Variants in GSE1 observed in about 807,000 individuals in gnomAD.
The protein encoded by GSE1 is Gse1 coiled-coil protein.
A neutral mutation model predicts 112.6 loss-of-function variants in GSE1; 32 were observed. The ratio of observed to expected loss-of-function variants is 0.28; its 90% CI spans 0.21 to 0.38. GSE1 has a LOEUF of 0.38. Ranked by LOEUF, GSE1 falls within the 10% of genes least tolerant of loss-of-function variation. The pLI is 1.00. For missense variants in GSE1, 2,348 were observed against 1,699.2 expected (o/e 1.38, Z -6.71); for synonymous variants, 1,115 against 735.6 (o/e 1.52, Z -8.35).
chr16:85,381,551 A>G (rs1261271639), intron 2 of GSE1, among the ~76,000 whole-genome samples: 2 of 152,172 alleles, frequency 1.3e-5, no homozygotes, highest in African/African-American at 4.8e-5. Context: ...TTGGGTGCCA[A>G]TTTAATATTC....
chr16:85,191,624 T>C (rs1597760389), intron 1 of GSE1, among the ~76,000 whole-genome samples: 1 of 152,198 alleles, frequency 6.6e-6, no homozygotes, highest in Admixed American at 6.5e-5. Context: ...GAACTCTACG[T>C]GCCGCTGTGC....
chr16:85,468,056 G>T (rs1242793503), intron 2 of GSE1, among the ~76,000 whole-genome samples: 1 of 152,156 alleles, frequency 6.6e-6, no homozygotes, highest in Non-Finnish European at 1.5e-5. Context: ...TGTCCCTGGA[G>T]TGACCCCCTG....
intron 2 of GSE1, among the ~76,000 whole-genome samples, chr16:85,640,553 G>C (rs1259015851): frequency 6.6e-6 from 1 of 152,160 alleles, no homozygotes; most frequent in African/African-American, 2.4e-5. Flanking sequence ...CCTGTCCCTG[G>C]TGCCACCTGA....
At chr16:85,536,543 C>T (rs1205900124) in intron 2 of GSE1, among the ~76,000 whole-genome samples, 8 of 152,192 alleles carry the variant, frequency 5.3e-5, no homozygotes, top group East Asian at 3.9e-4. Flanking sequence ...TCACGGATAA[C>T]GGAGGGCTGG....
upstream of GSE1, among the ~76,000 whole-genome samples, chr16:85,552,734 C>T (rs2044988463): frequency 6.6e-6 from 1 of 152,182 alleles, no homozygotes; most frequent in African/African-American, 2.4e-5. Flanking sequence ...CAGGTGGCTC[C>T]CAGGAGGCAA....
chr16:85,655,143 T>C, intron 5 of GSE1, 152 bp downstream of exon 5: 1 of 647,476 alleles, frequency 1.5e-6, no homozygotes, highest in Non-Finnish European at 2.8e-6. Flanking sequence ...GCTTTGAGCC[T>C]AAATTCAGCC....
intron 1 of GSE1, among the ~76,000 whole-genome samples, chr16:85,300,961 A>T (rs984943123): frequency 4.6e-5 from 7 of 152,140 alleles, no homozygotes; most frequent in African/African-American, 1.7e-4. Flanking sequence ...ATAGGCAGAG[A>T]TGCAGTGGGG....
chr16:85,299,849 T>C (rs1030024758), intron 1 of GSE1, among the ~76,000 whole-genome samples: 10 of 150,504 alleles, frequency 6.6e-5, no homozygotes, highest in African/African-American at 2.5e-4. Context: ...GGCAGGAGGA[T>C]CGCTTGAGCC....
rs751661077 is a variant in GSE1, at chr16:85,209,215, C to T, written c.2283+37408C>T. On this transcript the variant is annotated intron_variant, in intron 1 of 2. Transcript: ENST00000637419. Reference sequence around the variant, plus strand: ...GCTGCGCAGGAATTGGCTCCTTTAACTCTCACAACAACCCCACGAGGTAGG... The same window carrying T: ...GCTGCGCAGGAATTGGCTCCTTTAATTCTCACAACAACCCCACGAGGTAGG... 5.8e-4 allele frequency among the ~76,000 whole-genome samples: 89 copies of T among 152,150 alleles called. 1 individual carries two copies. Among genetic ancestry groups the T allele is most frequent in the Non-Finnish European group, 6.5e-4 (44 of 68,018 alleles).
At chr16:85,386,822 G>A (rs774133163) in intron 2 of GSE1, among the ~76,000 whole-genome samples, 1 of 152,202 alleles carries the variant, frequency 6.6e-6, no homozygotes, top group Admixed American at 6.5e-5. Context: ...CTTGTTACCA[G>A]ATTTTACCCT....
At position 85,661,455 on chromosome 16, in the gene GSE1, G is replaced by T; in HGVS notation, c.1950G>T (p.Gln650His). 6.2e-7 allele frequency: 1 copy of T among 1,611,504 alleles called. No homozygotes were observed. ...AGCCTGCCCCTCTGGACAAGTACCA[G>T]CCACCTCCGCCGCCACCACGAGAGG... ...KREPAPLDKY[Q>H]PPPPPPREGG... The change falls in exon 9 of 16, where the codon CAG (glutamine) becomes CAT (histidine). Residue 650 changes from glutamine to histidine, a missense_variant. Coordinates refer to ENST00000253458, the MANE Select transcript of GSE1 (RefSeq NM_014615.5).
At chr16:85,452,895 G>C (rs1390810474) in intron 2 of GSE1, among the ~76,000 whole-genome samples, 2 of 151,754 alleles carry the variant, frequency 1.3e-5, no homozygotes, top group Non-Finnish European at 2.9e-5. Context: ...GCTGGGTGGG[G>C]GACTGGGTGG....
chr16:85,334,927 CTT>C (rs1206965578), intron 1 of GSE1, among the ~76,000 whole-genome samples: 2 of 152,196 alleles, frequency 1.3e-5, no homozygotes, highest in African/African-American at 4.8e-5. Context: ...ACCAGGGAGA[CTT>C]TATCTGCACA....
intron 11 of GSE1, among the ~76,000 whole-genome samples, chr16:85,664,025 T>G (rs1406122593): frequency 6.6e-6 from 1 of 152,254 alleles, no homozygotes; most frequent in Non-Finnish European, 1.5e-5. Flanking sequence ...GCCGGAGGCC[T>G]GGGGAAGGGC....
intron 13 of GSE1, 83 bp downstream of exon 13, chr16:85,666,430 G>T (rs138686468): frequency 2.2e-6 from 3 of 1,359,928 alleles, no homozygotes; most frequent in Admixed American, 1.8e-5. Context: ...CTGCTCAGCC[G>T]TTCAGCCGTG....
In GSE1 at chr16:85,674,580, C is replaced by G. The variant is rs546911569; in HGVS notation, c.*2041C>G. On this transcript the variant is annotated 3_prime_UTR_variant, in exon 16 of 16. Coordinates refer to ENST00000253458, the MANE Select transcript of GSE1 (RefSeq NM_014615.5). ...GCTTAAGAGTCACATCTTAGCACTT[C>G]CGCTCTCAGGCCTCCTCCTCCATCA... 1 of 152,250 alleles carries G rather than the reference C, an allele frequency of 6.6e-6. No individual in the cohort carries two copies. Among genetic ancestry groups the G allele is most frequent in the African/African-American group, 2.4e-5 (1 of 41,464 alleles). 9.4% of individuals were successfully genotyped at this position (152,250 alleles called of 1,614,324 possible).
intron 1 of GSE1, among the ~76,000 whole-genome samples, chr16:85,303,993 G>A (rs949866779): frequency 2.0e-5 from 3 of 152,234 alleles, no homozygotes; most frequent in African/African-American, 7.2e-5. Flanking sequence ...GACCCCAGTG[G>A]TCTAGGGCAG....
chr16:85,284,715 A>C (rs2044965682), intron 1 of GSE1, among the ~76,000 whole-genome samples: 1 of 152,066 alleles, frequency 6.6e-6, no homozygotes, highest in South Asian at 2.1e-4. Context: ...TCGTGGGGAA[A>C]ATGGTGGCTC....
At chr16:85,326,547 T>C (rs2151508467) in intron 1 of GSE1, among the ~76,000 whole-genome samples, 1 of 152,388 alleles carries the variant, frequency 6.6e-6, no homozygotes, top group East Asian at 1.9e-4. Flanking sequence ...TTCCTCTGCT[T>C]GCACTCACTG....
Sources: gnomAD v4.1 joint callset for allele counts (sites outside exome capture counted in the v4.1 genomes callset) on GRCh38, gnomAD v4.1.1 for gene constraint, MANE v1.5 for transcripts, NCBI Gene and HGNC (gene_info 2026-07-23, HGNC 2026-07-21) for gene names.